MIDEAS: variants seen among roughly 807,000 people sequenced by gnomAD.
MIDEAS encodes the protein mitotic deacetylase associated SANT domain protein.
In MIDEAS, 26 loss-of-function variants were observed where a neutral mutation model predicts 102.7. The observed-to-expected ratio is 0.25, with a 90% confidence interval of 0.19 to 0.35. The LOEUF (loss-of-function observed/expected upper bound fraction) is 0.35. MIDEAS is among the 10% of genes least tolerant of loss of function. The pLI is 1.00. For synonymous variants in MIDEAS, 585 were observed against 591.0 expected (o/e 0.99, Z 0.15); for missense variants, 1,231 against 1,435.6 (o/e 0.86, Z 2.30).
At chr14:73,784,262 G>C (rs999135775) in intron 1 of MIDEAS, among the ~76,000 whole-genome samples, 3 of 152,248 alleles carry the variant, frequency 2.0e-5, no homozygotes, top group Non-Finnish European at 4.4e-5. Flanking sequence ...CCACCATTTA[G>C]GTAAGGTGAA....
chr14:73,726,091 C>G lies in MIDEAS; in HGVS notation c.2427G>C (p.Leu809=). 2.5e-6 allele frequency: 4 copies of G among 1,594,184 alleles called. No individual in the cohort carries two copies. Among genetic ancestry groups the G allele is most frequent in the Non-Finnish European group, 3.4e-6 (4 of 1,171,110 alleles). The change falls in exon 8 of 13, where the codon CTG becomes CTC. Residue 809 remains leucine (L), a synonymous_variant. Coordinates refer to ENST00000423556, the MANE Select transcript of MIDEAS (RefSeq NM_001367710.1). ...GGGGCCGCAGGGGCTTCTTCAGCAG[C>G]AGCTTATTCAGCGTTTCCTGGAGGG... ...RGDILETLNK[L]LLKKPLRPHN... is the part of the protein sequence containing the mutation.
chr14:73,788,672 T>C (rs189141485), upstream of MIDEAS, among the ~76,000 whole-genome samples: 6 of 152,352 alleles, frequency 3.9e-5, no homozygotes, highest in Admixed American at 3.9e-4. Context: ...ACTGCATCAT[T>C]AGACTCAATA....
chr14:73,755,603 T>C (rs1382869447), intron 1 of MIDEAS, among the ~76,000 whole-genome samples: 3 of 152,106 alleles, frequency 2.0e-5, no homozygotes, highest in African/African-American at 4.8e-5. Context: ...GGCGGGTAGG[T>C]TCCTGAGAGC....
chr14:73,735,257 G>A (rs1446673130), intron 3 of MIDEAS, among the ~76,000 whole-genome samples: 1 of 152,176 alleles, frequency 6.6e-6, no homozygotes, highest in Non-Finnish European at 1.5e-5. Flanking sequence ...GATTTTAAAT[G>A]TTCTCACCAC....
Position 73,721,469 on chromosome 14 carries a change from T to C in MIDEAS, c.2765A>G (p.Glu922Gly). ...KFPRVPLPRR[E>G]SPSEERLEPK... ...CTCCAGCCTCTCTTCACTTGGGGAC[T>C]CTCTTCTGGGAAGAGGCACCCTTGG... Residue 922 changes from glutamate to glycine, a missense_variant, in exon 11 of 13, where the codon GAG (glutamate) becomes GGG (glycine). Glu to Gly is a moderately conservative substitution (Grantham distance 98, BLOSUM62 -2). Transcript: ENST00000423556. The C allele has an allele frequency of 6.2e-7, 1 of 1,614,132 alleles. No homozygotes were observed. The highest frequency in any genetic ancestry group is 8.5e-7 in the Non-Finnish European group (1 of 1,180,024).
In MIDEAS at chr14:73,737,306, G is replaced by A; in HGVS notation, c.1450-9C>T. ...TCAGAACCACTGCCATCCTGGACAAGATGGGAACAGAAGTGCAATTTAAAA... is the reference window on the plus strand; with the variant it reads ...TCAGAACCACTGCCATCCTGGACAAAATGGGAACAGAAGTGCAATTTAAAA... On this transcript the variant is annotated splice_polypyrimidine_tract_variant and intron_variant, in intron 2 of 12. Transcript: ENST00000423556. 1 of 1,604,760 alleles carries A rather than the reference G, an allele frequency of 6.2e-7. No individual in the cohort carries two copies. Among genetic ancestry groups the A allele is most frequent in the Non-Finnish European group, 8.5e-7 (1 of 1,172,472 alleles).
rs115774034 is a variant in MIDEAS, at chr14:73,719,537, G to C, written c.2938-36C>G. On this transcript the variant is annotated intron_variant, in intron 11 of 12. Transcript: ENST00000423556. The stretch of plus-strand genomic sequence containing the variant: ...TCAAACAAGGAGAGTTGAGTGATCT[G>C]AGCAAGCGCAGATCTGGAATTCTAA... 932 of 1,596,630 alleles carry C rather than the reference G, an allele frequency of 5.8e-4. 5 individuals carry two copies. The African/African-American group carries it at 0.011, about 19-fold the overall frequency.
chr14:73,735,068 CAT>C (rs913873864), intron 3 of MIDEAS, among the ~76,000 whole-genome samples: 15 of 152,136 alleles, frequency 9.9e-5, no homozygotes, highest in African/African-American at 3.6e-4. Flanking sequence ...TTCAAAGAAA[CAT>C]AAAGTAGAAT....
chr14:73,746,757 G>A (rs1353612707), intron 1 of MIDEAS, among the ~76,000 whole-genome samples: 1 of 152,166 alleles, frequency 6.6e-6, no homozygotes, highest in Non-Finnish European at 1.5e-5. Context: ...CCTTGCCATT[G>A]CCTTGCCCTG....
In MIDEAS at chr14:73,716,102, A is replaced by T. The variant is rs1225230768; in HGVS notation, c.*2741T>A. Reference sequence around the variant, plus strand: ...TCACTTCTCAAGGAGCTCTGAATATAGGGGGAAAAAAACAACAAAAAGACA... The same window carrying T: ...TCACTTCTCAAGGAGCTCTGAATATTGGGGGAAAAAAACAACAAAAAGACA... On this transcript the variant is annotated 3_prime_UTR_variant, in exon 13 of 13. Transcript: ENST00000423556. 1 of 152,652 alleles carries T rather than the reference A, an allele frequency of 6.6e-6. No individual in the cohort carries two copies. The highest frequency in any genetic ancestry group is 1.5e-5 in the Non-Finnish European group (1 of 68,124). 9.5% of individuals were successfully genotyped at this position (152,652 alleles called of 1,614,324 possible).
rs1206725323 is a variant in MIDEAS at position 73,739,984 on chromosome 14, C to A, written c.25G>T (p.Ala9Ser). MNLQAQPK[A>S]QNKRKRCLFG... Reference sequence around the variant, plus strand: ...AGGCAACGCTTCCGCTTGTTCTGAGCCTTGGGCTGGGCCTGGAGGTTCATG... The same window carrying A: ...AGGCAACGCTTCCGCTTGTTCTGAGACTTGGGCTGGGCCTGGAGGTTCATG... The change falls in exon 2 of 13, where the codon GCT (alanine) becomes TCT (serine). Residue 9 changes from alanine to serine, a missense_variant. Ala to Ser is a moderately conservative substitution (Grantham distance 99, BLOSUM62 1). Around this residue, in one of 5 missense-constraint regions of MIDEAS, gnomAD observed 758 missense variants for 856.0 expected, o/e 0.89. Transcript: ENST00000423556. 9.3e-6 allele frequency: 14 copies of A among 1,501,744 alleles called. No homozygotes were observed. The highest frequency in any genetic ancestry group is 1.1e-5 in the Non-Finnish European group (12 of 1,124,228). 93.0% of individuals were successfully genotyped at this position (1,501,744 alleles called of 1,614,324 possible).
In MIDEAS at chr14:73,726,235, A is replaced by G. The variant is rs962383235; in HGVS notation, c.2410-127T>C. 6 of 801,820 alleles carry G rather than the reference A, an allele frequency of 7.5e-6. No individual in the cohort carries two copies. In the African/African-American group the frequency reaches 8.5e-5, roughly 11 times the overall value. 49.7% of individuals were successfully genotyped at this position (801,820 alleles called of 1,614,324 possible). On this transcript the variant is annotated intron_variant, in intron 7 of 12. Transcript: ENST00000423556. ...CTCTTGCCCCCTTAACTGCTGAGAGATAAGGGGTCCACTGGGGTGGTGAGA... is the reference window on the plus strand; with the variant it reads ...CTCTTGCCCCCTTAACTGCTGAGAGGTAAGGGGTCCACTGGGGTGGTGAGA...
intron 1 of MIDEAS, among the ~76,000 whole-genome samples, chr14:73,751,632 C>T (rs1173337629): frequency 1.3e-5 from 2 of 152,224 alleles, no homozygotes; most frequent in Non-Finnish European, 2.9e-5. Context: ...GATGCAGCGG[C>T]TCCCGTTTGT....
At chr14:73,727,559 C>A in intron 4 of MIDEAS, 35 bp from the exon 5 acceptor site, 1 of 1,566,680 alleles carries the variant, frequency 6.4e-7, no homozygotes, top group South Asian at 1.2e-5. Context: ...AAATAGCACC[C>A]CCCTTTCAGC....
chr14:73,783,837 C>T (rs1315426535), intron 1 of MIDEAS, among the ~76,000 whole-genome samples: 5 of 152,198 alleles, frequency 3.3e-5, no homozygotes, highest in South Asian at 4.1e-4. Flanking sequence ...AAAACTGTAG[C>T]GTGTTCTTAA....
At chr14:73,779,368 C>G (rs1241236925) in intron 1 of MIDEAS, among the ~76,000 whole-genome samples, 1 of 138,850 alleles carries the variant, frequency 7.2e-6, no homozygotes, top group Non-Finnish European at 1.5e-5. Context: ...GCACTCCAGC[C>G]TGGACGACAG....
intron 1 of MIDEAS, among the ~76,000 whole-genome samples, chr14:73,778,712 G>A (rs1404586361): frequency 6.6e-6 from 1 of 152,016 alleles, no homozygotes; most frequent in Non-Finnish European, 1.5e-5. Flanking sequence ...ACTGTAAAGT[G>A]TCTGCTGCAC....
chr14:73,748,079 C>T (rs2053375788), intron 1 of MIDEAS, among the ~76,000 whole-genome samples: 1 of 151,888 alleles, frequency 6.6e-6, no homozygotes, highest in Admixed American at 6.6e-5. Flanking sequence ...TATTTACAGA[C>T]CAGGAATGGT....
chr14:73,726,572 G>T, intron 7 of MIDEAS, 32 bp downstream of exon 7: 1 of 1,604,878 alleles, frequency 6.2e-7, no homozygotes, highest in Non-Finnish European at 8.5e-7. Context: ...CCCCACTGAG[G>T]GGCCCTCCCT....
Sources: gnomAD v4.1 joint callset for allele counts (sites outside exome capture counted in the v4.1 genomes callset) on GRCh38, gnomAD v4.1.1 for gene constraint, gnomAD v4.1.1 regional missense constraint, MANE v1.5 for transcripts, NCBI Gene and HGNC (gene_info 2026-07-23, HGNC 2026-07-21) for gene names.